The following RIMS1 variants were observed in gnomAD, a reference collection of about 807,000 sequenced individuals.
RIMS1 encodes regulating synaptic membrane exocytosis protein 1.
RIMS1 carries 83 observed loss-of-function variants against 214.1 expected under a neutral mutation model. The ratio of observed to expected loss-of-function variants is 0.39; its 90% CI spans 0.32 to 0.47. The LOEUF is 0.47. RIMS1 is among the 20% of genes least tolerant of loss of function. RIMS1 has a pLI of 0.99. For missense variants in RIMS1, 2,050 were observed against 2,161.8 expected, an observed-to-expected ratio of 0.95 and a Z score of 1.03; for synonymous variants, 793 against 786.8, an observed-to-expected ratio of 1.01 and a Z score of -0.13.
At chr6:72,390,969 T>C (rs1167908135) in intron 30 of RIMS1, 1 of 398,250 alleles carries the variant, frequency 2.5e-6, no homozygotes. Context: ...ATGAACAAAT[T>C]GATTTCTTGC....
At chr6:72,321,229 A>G (rs1168097916) in intron 28 of RIMS1, among the ~76,000 whole-genome samples, 3 of 152,106 alleles carry the variant, frequency 2.0e-5, no homozygotes, top group Admixed American at 6.6e-5. Context: ...ACTACAACAG[A>G]TATATCAAGG....
chr6:72,087,473 A>G (rs1313728518), intron 2 of RIMS1, among the ~76,000 whole-genome samples: 1 of 152,228 alleles, frequency 6.6e-6, no homozygotes, highest in African/African-American at 2.4e-5. Flanking sequence ...GAGCAAGAAC[A>G]TTGTCATGGT....
At chr6:72,119,878 C>A (rs1221311201) in intron 4 of RIMS1, among the ~76,000 whole-genome samples, 1 of 151,632 alleles carries the variant, frequency 6.6e-6, no homozygotes, top group Non-Finnish European at 1.5e-5. Context: ...TGTTCAATTC[C>A]CACCTATGAA....
intron 1 of RIMS1, among the ~76,000 whole-genome samples, chr6:71,918,715 T>C (rs1257155051): frequency 3.3e-5 from 5 of 152,258 alleles, no homozygotes; most frequent in Non-Finnish European, 7.4e-5. Context: ...GGGATCAAAG[T>C]CTTTGCATAA....
At chr6:72,005,077 C>T (rs1483338519) in intron 2 of RIMS1, among the ~76,000 whole-genome samples, 3 of 151,566 alleles carry the variant, frequency 2.0e-5, no homozygotes, top group Non-Finnish European at 3.0e-5. Flanking sequence ...CCAGTTTCAG[C>T]TTTCTACATA....
chr6:72,006,783 G>A (rs1254490543), intron 2 of RIMS1, among the ~76,000 whole-genome samples: 1 of 152,226 alleles, frequency 6.6e-6, no homozygotes, highest in Non-Finnish European at 1.5e-5. Context: ...GGGGAGGGGC[G>A]CCTGCCATTG....
chr6:72,321,320 A>C (rs1002592765), intron 28 of RIMS1, among the ~76,000 whole-genome samples: 1 of 152,032 alleles, frequency 6.6e-6, no homozygotes, highest in Non-Finnish European at 1.5e-5. Flanking sequence ...TCCATACATG[A>C]TGTAAGTAAT....
intron 28 of RIMS1, among the ~76,000 whole-genome samples, chr6:72,321,338 T>C (rs2096147889): frequency 1.3e-5 from 2 of 152,122 alleles, no homozygotes; most frequent in South Asian, 4.1e-4. Context: ...AATTGTTTTC[T>C]CATGTTTTGG....
chr6:72,069,724 A>G (rs1830146758), intron 2 of RIMS1, among the ~76,000 whole-genome samples: 1 of 152,188 alleles, frequency 6.6e-6, no homozygotes, highest in Non-Finnish European at 1.5e-5. Flanking sequence ...AGTATCTTTG[A>G]GCGTAGGCCA....
chr6:71,985,507 A>G (rs1799678981), intron 2 of RIMS1, among the ~76,000 whole-genome samples: 1 of 152,212 alleles, frequency 6.6e-6, no homozygotes, highest in Admixed American at 6.5e-5. Context: ...ATGTACGTCC[A>G]TTATATATTA....
intron 5 of RIMS1, 81 bp downstream of exon 5, chr6:72,179,996 T>C: frequency 4.1e-6 from 4 of 980,760 alleles, no homozygotes; most frequent in Non-Finnish European, 5.8e-6. Flanking sequence ...TAACTTCTAT[T>C]ACGAGGAATA....
At chr6:71,986,662 G>T (rs1800063780) in intron 2 of RIMS1, among the ~76,000 whole-genome samples, 1 of 152,244 alleles carries the variant, frequency 6.6e-6, no homozygotes, top group Non-Finnish European at 1.5e-5. Context: ...AAGATGTGTA[G>T]TTGATAAGAA....
At chr6:72,140,212 C>A (rs922728420) in intron 4 of RIMS1, among the ~76,000 whole-genome samples, 1 of 152,034 alleles carries the variant, frequency 6.6e-6, no homozygotes, top group Non-Finnish European at 1.5e-5. Flanking sequence ...GAACTGCCAA[C>A]CTTTCTAAAG....
At chr6:71,995,588 A>G (rs774155579) in intron 2 of RIMS1, among the ~76,000 whole-genome samples, 14 of 151,914 alleles carry the variant, frequency 9.2e-5, no homozygotes, top group Non-Finnish European at 1.9e-4. Flanking sequence ...TTGGGCTGCC[A>G]TAACAAAAGC....
chr6:71,913,038 G>T (rs549762989), intron 1 of RIMS1, among the ~76,000 whole-genome samples: 1 of 152,188 alleles, frequency 6.6e-6, no homozygotes, highest in South Asian at 2.1e-4. Context: ...AAGGCAAATG[G>T]ACTCAGACTC....
chr6:72,377,196 C>A (rs1212594949), intron 29 of RIMS1, among the ~76,000 whole-genome samples: 1 of 152,160 alleles, frequency 6.6e-6, no homozygotes, highest in Non-Finnish European at 1.5e-5. Flanking sequence ...TGTCACCCAC[C>A]TTCTTCTGTT....
chr6:72,252,705 T>C, intron 15 of RIMS1, 56 bp from the exon 16 acceptor site: 2 of 1,455,270 alleles, frequency 1.4e-6, no homozygotes, highest in Non-Finnish European at 9.4e-7. Flanking sequence ...CAGTGCTCTT[T>C]ACGTTTCATA....
chr6:72,234,820 G>A (rs1223918657), intron 7 of RIMS1, among the ~76,000 whole-genome samples: 1 of 151,936 alleles, frequency 6.6e-6, no homozygotes, highest in Non-Finnish European at 1.5e-5. Flanking sequence ...GAATCATACA[G>A]TTTATAGCTT....
At chr6:71,955,416 C>A (rs972375659) in intron 1 of RIMS1, among the ~76,000 whole-genome samples, 3 of 152,146 alleles carry the variant, frequency 2.0e-5, no homozygotes, top group African/African-American at 7.2e-5. Context: ...ATCCTCCCAT[C>A]TCAGCCTCCC....
Sources: gnomAD v4.1 joint callset for allele counts (sites outside exome capture counted in the v4.1 genomes callset) on GRCh38, gnomAD v4.1.1 for gene constraint, MANE v1.5 for transcripts, NCBI Gene and HGNC (gene_info 2026-07-23, HGNC 2026-07-21) for gene names.